The following LRPPRC variants were observed in gnomAD, a reference collection of about 807,000 sequenced individuals.
The protein encoded by LRPPRC is leucine-rich PPR motif-containing protein, mitochondrial.
In LRPPRC, 120 loss-of-function variants were observed where a neutral mutation model predicts 180.3. That is an observed-to-expected ratio of 0.67 (90% confidence interval 0.57 to 0.77). The LOEUF (loss-of-function observed/expected upper bound fraction) is 0.77, where lower values mean the gene tolerates loss of function less well. Ranked by LOEUF, LRPPRC falls within the 30% of genes least tolerant of loss-of-function variation. LRPPRC has a pLI of 0.00. For missense variants in LRPPRC, 2,012 were observed against 1,657.2 expected, an observed-to-expected ratio of 1.21 and a Z score of -3.72; for synonymous variants, 723 against 600.0, an observed-to-expected ratio of 1.21 and a Z score of -3.00.
chr2:43,978,065 T>C (rs937137070), intron 3 of LRPPRC, among the ~76,000 whole-genome samples: 3 of 152,150 alleles, frequency 2.0e-5, no homozygotes, highest in Admixed American at 6.5e-5. Flanking sequence ...TATGTTTCTT[T>C]CATACTATGT....
chr2:43,955,154 C>A (rs1372389032), intron 14 of LRPPRC, among the ~76,000 whole-genome samples: 1 of 151,920 alleles, frequency 6.6e-6, no homozygotes, highest in African/African-American at 2.4e-5. Flanking sequence ...AACAAATTCT[C>A]AAAGAGATCA....
At chr2:43,889,087 T>A (rs1027740397) in intron 37 of LRPPRC, among the ~76,000 whole-genome samples, 2 of 151,866 alleles carry the variant, frequency 1.3e-5, no homozygotes, top group East Asian at 1.9e-4. Flanking sequence ...GAGGCCGAGG[T>A]GGGCGGATCA....
chr2:43,969,256 C>G (rs1307558157), intron 11 of LRPPRC, among the ~76,000 whole-genome samples: 1 of 152,028 alleles, frequency 6.6e-6, no homozygotes, highest in East Asian at 1.9e-4. Context: ...ACTAAAAATA[C>G]AAAAGATTAG....
In LRPPRC at chr2:43,960,521, C is replaced by T. The variant is rs373269119; in HGVS notation, c.1582+20G>A. 82 of 1,268,464 alleles carry T rather than the reference C, an allele frequency of 6.5e-5. No individual in the cohort carries two copies. In the South Asian group the frequency reaches 7.3e-4, roughly 11 times the overall value. The allele number at this position is 1,268,464 out of a possible 1,614,324, so 78.6% of individuals were successfully genotyped here. ...TGAAATAAACATCTATCAAGTTTAC[C>T]GCTAATGTTGTATACTTACAAAATG... On this transcript the variant is annotated intron_variant, in intron 13 of 37. Coordinates refer to ENST00000260665, the MANE Select transcript of LRPPRC (RefSeq NM_133259.4).
intron 36 of LRPPRC, 63 bp downstream of exon 36, chr2:43,894,480 GAT>G (rs1430019655): frequency 1.2e-5 from 10 of 820,816 alleles, no homozygotes; most frequent in Admixed American, 7.0e-5. Flanking sequence ...TCATTTACAT[GAT>G]ATAGTCACTT....
At chr2:43,953,905 C>A (rs1673000673) in intron 14 of LRPPRC, among the ~76,000 whole-genome samples, 1 of 152,156 alleles carries the variant, frequency 6.6e-6, no homozygotes, top group Non-Finnish European at 1.5e-5. Context: ...GCCGGTGGTT[C>A]ATGCCTGTAA....
In LRPPRC at chr2:43,887,398, T is replaced by G. The variant is rs1275675541; in HGVS notation, c.*1202A>C. The G allele has an allele frequency of 6.6e-6, 1 of 152,212 alleles. No homozygotes were observed. Among genetic ancestry groups the G allele is most frequent in the African/African-American group, 2.4e-5 (1 of 41,428 alleles). 9.4% of individuals were successfully genotyped at this position (152,212 alleles called of 1,614,324 possible). ...ACACCATCTGCGGGCAGGTAGCAGATGCAGGAGAGAGAGTTCCACAAGACA... is the reference window on the plus strand; with the variant it reads ...ACACCATCTGCGGGCAGGTAGCAGAGGCAGGAGAGAGAGTTCCACAAGACA... On this transcript the variant is annotated 3_prime_UTR_variant, in exon 38 of 38. Transcript: ENST00000260665.
intron 1 of LRPPRC, among the ~76,000 whole-genome samples, chr2:43,985,572 T>G (rs1300946277): frequency 6.6e-6 from 1 of 152,218 alleles, no homozygotes; most frequent in African/African-American, 2.4e-5. Context: ...GTCATATAGT[T>G]GCATCATACA....
At position 43,905,760 on chromosome 2, in the gene LRPPRC, C is replaced by T; in HGVS notation, c.3296G>A (p.Gly1099Asp). ...GTTGGCAGCATCGTTCAGTGTGAAGCCCTTGATGTGGGTCTCCGCGCTAAA... is the reference window on the plus strand; with the variant it reads ...GTTGGCAGCATCGTTCAGTGTGAAGTCCTTGATGTGGGTCTCCGCGCTAAA... ...VKAFAETHIK[G>D]FTLNDAANSR... The change falls in exon 31 of 38, where the codon GGC (glycine) becomes GAC (aspartate). Residue 1099 changes from glycine to aspartate, a missense_variant. By Grantham distance (94) the Gly-to-Asp change is moderately conservative (BLOSUM62 -1). Transcript: ENST00000260665. The T allele has an allele frequency of 1.2e-6, 2 of 1,612,694 alleles. No homozygotes were observed. The highest frequency in any genetic ancestry group is 1.7e-6 in the Non-Finnish European group (2 of 1,178,650).
chr2:43,957,826 G>T (rs1673185413), intron 13 of LRPPRC, among the ~76,000 whole-genome samples: 1 of 152,082 alleles, frequency 6.6e-6, no homozygotes, highest in Non-Finnish European at 1.5e-5. Context: ...CAAGACTTTT[G>T]TTCTTTAAAG....
At chr2:43,943,006 CAAA>C (rs1487999643) in intron 23 of LRPPRC, among the ~76,000 whole-genome samples, 16 of 151,756 alleles carry the variant, frequency 1.1e-4, no homozygotes, top group Admixed American at 1.3e-4. Flanking sequence ...AAAAAGCTGA[CAAA>C]GAAGATCTAG....
chr2:43,891,393 C>G (rs555843568), intron 36 of LRPPRC, among the ~76,000 whole-genome samples: 4 of 152,326 alleles, frequency 2.6e-5, no homozygotes, highest in Non-Finnish European at 4.4e-5. Context: ...TATGGTAACC[C>G]TGCCTTGGGC....
intron 21 of LRPPRC, among the ~76,000 whole-genome samples, chr2:43,945,790 C>G (rs1572952667): frequency 6.6e-6 from 1 of 152,016 alleles, no homozygotes; most frequent in South Asian, 2.1e-4. Flanking sequence ...TTTATTTACA[C>G]TACAATATTG....
chr2:43,950,677 T>C, intron 14 of LRPPRC, 77 bp from the exon 15 acceptor site: 2 of 949,394 alleles, frequency 2.1e-6, no homozygotes, highest in African/African-American at 1.6e-5. Flanking sequence ...TATGTACAGA[T>C]CAAAGTATTA....
At chr2:43,890,791 T>C (rs1296157354) in intron 36 of LRPPRC, among the ~76,000 whole-genome samples, 3 of 152,238 alleles carry the variant, frequency 2.0e-5, no homozygotes, top group East Asian at 1.9e-4. Flanking sequence ...TGATGAAATA[T>C]GTTAGGAGCC....
chr2:43,903,572 A>AG (rs1415054491), intron 31 of LRPPRC: 2 of 7,054 alleles, frequency 2.8e-4, no homozygotes, highest in African/African-American at 1.4e-3. Context: ...GTGCTCAGGG[A>AG]GGGGGGTGGG....
At chr2:43,976,271 A>G (rs1356862283) in intron 5 of LRPPRC, 42 bp from the exon 6 acceptor site, 2 of 1,076,628 alleles carry the variant, frequency 1.9e-6, no homozygotes, top group Non-Finnish European at 2.9e-6. Context: ...AGTATTTATA[A>G]GAACACTCTT....
At chr2:43,940,697 G>A (rs551917309) in intron 23 of LRPPRC, among the ~76,000 whole-genome samples, 1 of 152,236 alleles carries the variant, frequency 6.6e-6, no homozygotes, top group African/African-American at 2.4e-5. Context: ...TAAAACAAGT[G>A]AACCTGAAAC....
intron 29 of LRPPRC, among the ~76,000 whole-genome samples, chr2:43,914,935 G>C (rs1045773581): frequency 3.3e-5 from 5 of 150,550 alleles, no homozygotes; most frequent in African/African-American, 1.2e-4. Flanking sequence ...GACGGGCGTG[G>C]TGGTGGCTCA....
Sources: allele counts gnomAD v4.1 joint callset (sites outside exome capture counted in the v4.1 genomes callset), GRCh38; gene constraint gnomAD v4.1.1; transcripts MANE v1.5; gene names NCBI Gene and HGNC (gene_info 2026-07-23, HGNC 2026-07-21).